IQSEC1: variants seen among roughly 807,000 people sequenced by gnomAD.
IQSEC1 encodes the protein IQ motif and SEC7 domain-containing protein 1.
A neutral mutation model predicts 91.0 loss-of-function variants in IQSEC1; 31 were observed. That is an observed-to-expected ratio of 0.34 (90% CI 0.26 to 0.46). IQSEC1 has a LOEUF of 0.46. IQSEC1 is among the 20% of genes least tolerant of loss of function. The probability of loss-of-function intolerance (pLI) is 1.00; values close to 1 mark genes in which losing one functional copy is unlikely to be tolerated. For synonymous variants in IQSEC1, 699 were observed against 662.6 expected (o/e 1.05, Z -0.84); for missense variants, 1,388 against 1,575.6 (o/e 0.88, Z 2.02).
Position 12,909,524 on chromosome 3 carries a change from G to A in IQSEC1, c.2417-90C>T. 1 of 1,328,378 alleles carries A rather than the reference G, an allele frequency of 7.5e-7. No individual in the cohort carries two copies. Among genetic ancestry groups the A allele is most frequent in the Admixed American group, 1.9e-5 (1 of 52,916 alleles). 82.3% of individuals were successfully genotyped at this position (1,328,378 alleles called of 1,614,324 possible). On this transcript the variant is annotated intron_variant, in intron 10 of 13. Transcript: ENST00000613206. This position sits in a 1 kb window ranked among gnomAD's most constrained non-coding sequence, Gnocchi z 4.9. ...CTGGTCAGGAAACAATGGTAGGGCTGAGTTGTGCGTGAGCCTGGGATAAGT... is the reference window on the plus strand; with the variant it reads ...CTGGTCAGGAAACAATGGTAGGGCTAAGTTGTGCGTGAGCCTGGGATAAGT...
At chr3:13,139,298 T>C (rs1706761303) in intron 2 of IQSEC1, among the ~76,000 whole-genome samples, 1 of 152,220 alleles carries the variant, frequency 6.6e-6, no homozygotes, top group Non-Finnish European at 1.5e-5. Flanking sequence ...ATTGCTTTAT[T>C]ATTTTGTAAC....
rs1479297294 is a variant in IQSEC1, at chr3:12,915,625, T to G, written c.2129A>C (p.Lys710Thr). 6.2e-7 allele frequency: 1 copy of G among 1,614,146 alleles called. No homozygotes were observed. ...TTTCCCCACAATGAGCTTCTCCACC[T>G]TCTGCACCTGGGACACATGGTCCTC... ...TNEDHVSQVQKVEKLIVGKKP... is the reference protein window; with the variant it reads ...TNEDHVSQVQTVEKLIVGKKP... Residue 710 changes from lysine to threonine, a missense_variant, in exon 7 of 14, where the codon AAG becomes ACG. Transcript: ENST00000613206.
chr3:13,188,734 C>G (rs1278143387), intron 1 of IQSEC1, among the ~76,000 whole-genome samples: 1 of 152,218 alleles, frequency 6.6e-6, no homozygotes, highest in Non-Finnish European at 1.5e-5. Flanking sequence ...CACCGCAGGC[C>G]TGGAGCTGTC....
chr3:12,958,874 A>G (rs1268134086), intron 1 of IQSEC1, among the ~76,000 whole-genome samples: 1 of 152,224 alleles, frequency 6.6e-6, no homozygotes, highest in African/African-American at 2.4e-5. Context: ...CCAGGCTCTA[A>G]GCCCAGCACT....
chr3:12,942,371 G>T (rs1240017566), intron 1 of IQSEC1, among the ~76,000 whole-genome samples: 1 of 152,224 alleles, frequency 6.6e-6, no homozygotes, highest in Non-Finnish European at 1.5e-5. Flanking sequence ...GGGAGGCCGA[G>T]GAGGGCGGAT....
At chr3:13,040,726 G>T (rs1054656506) in intron 1 of IQSEC1, among the ~76,000 whole-genome samples, 1 of 152,174 alleles carries the variant, frequency 6.6e-6, no homozygotes, top group African/African-American at 2.4e-5. Context: ...AAGCCTCTGG[G>T]TTTTTCCCAT....
chr3:13,003,171 C>T (rs545839269), intron 1 of IQSEC1, among the ~76,000 whole-genome samples: 30 of 149,540 alleles, frequency 2.0e-4, no homozygotes, highest in African/African-American at 7.4e-4. Flanking sequence ...AAAGACCAGG[C>T]GCAGTGGCTC....
chr3:13,017,093 T>C (rs115655916), intron 1 of IQSEC1, among the ~76,000 whole-genome samples: 8,928 of 152,294 alleles, frequency 0.059, 364 homozygotes, highest in South Asian at 0.14. Flanking sequence ...TTCCACACTA[T>C]GGACAGACCA....
chr3:13,074,526 C>A (rs1383100590), upstream of IQSEC1, among the ~76,000 whole-genome samples: 3 of 152,164 alleles, frequency 2.0e-5, no homozygotes, highest in Admixed American at 1.3e-4. Context: ...AATATTCTTC[C>A]GTGCACGGTA....
chr3:13,097,613 C>T (rs891068267), intron 2 of IQSEC1, among the ~76,000 whole-genome samples: 11 of 152,234 alleles, frequency 7.2e-5, no homozygotes, highest in South Asian at 2.1e-4. Context: ...ATGCTGTGAA[C>T]GCCTGATAAA....
chr3:13,000,561 C>T (rs754068622), intron 1 of IQSEC1, among the ~76,000 whole-genome samples: 4 of 152,234 alleles, frequency 2.6e-5, no homozygotes, highest in Non-Finnish European at 4.4e-5. Flanking sequence ...TCCCTGAAAG[C>T]AGGAATAGAG....
chr3:13,035,720 G>C (rs1704010782), intron 1 of IQSEC1, among the ~76,000 whole-genome samples: 1 of 152,220 alleles, frequency 6.6e-6, no homozygotes, highest in Non-Finnish European at 1.5e-5. Context: ...CTCCTGAGCA[G>C]GGGTAGAGTT....
chr3:13,248,546 T>A (rs1265171576), intron 1 of IQSEC1, among the ~76,000 whole-genome samples: 1 of 152,140 alleles, frequency 6.6e-6, no homozygotes. Context: ...GTCCACACCA[T>A]CCCCTTCTCC....
intron 1 of IQSEC1, among the ~76,000 whole-genome samples, chr3:13,274,237 A>C (rs1695637107): frequency 6.6e-6 from 1 of 152,140 alleles, no homozygotes; most frequent in African/African-American, 2.4e-5. Context: ...CAACACCACC[A>C]GACACGTGCT....
At chr3:12,949,786 C>T (rs568301665) in intron 1 of IQSEC1, among the ~76,000 whole-genome samples, 1 of 152,330 alleles carries the variant, frequency 6.6e-6, no homozygotes, top group Admixed American at 6.5e-5. Context: ...GGGGCACATC[C>T]TCTGAGCAAG....
At chr3:13,158,621 G>C (rs1251261957) in intron 2 of IQSEC1, among the ~76,000 whole-genome samples, 3 of 152,128 alleles carry the variant, frequency 2.0e-5, no homozygotes, top group Admixed American at 2.0e-4. Context: ...GAAAATGCCA[G>C]TCAACGTTCA....
At chr3:12,945,075 C>A (rs1193552007) in intron 1 of IQSEC1, among the ~76,000 whole-genome samples, 1 of 152,140 alleles carries the variant, frequency 6.6e-6, no homozygotes, top group Non-Finnish European at 1.5e-5. Flanking sequence ...CCCAGTTGGC[C>A]GCGGTGTGGG....
intron 6 of IQSEC1, among the ~76,000 whole-genome samples, chr3:12,919,468 G>A (rs1696411243): frequency 6.6e-6 from 1 of 152,222 alleles, no homozygotes; most frequent in Non-Finnish European, 1.5e-5. Flanking sequence ...GCCACCAGGG[G>A]AAGGGGAGGG....
chr3:12,943,027 T>C (rs1020591287), intron 1 of IQSEC1, among the ~76,000 whole-genome samples: 1 of 152,234 alleles, frequency 6.6e-6, no homozygotes. Context: ...CACGGCGAAT[T>C]TGGAAACTCA....
Sources: gnomAD v4.1 joint callset for allele counts (sites outside exome capture counted in the v4.1 genomes callset) on GRCh38, gnomAD v4.1.1 for gene constraint, Gnocchi (gnomAD v3.1) non-coding constraint, MANE v1.5 for transcripts, NCBI Gene and HGNC (gene_info 2026-07-23, HGNC 2026-07-21) for gene names.